Variants in OTOG observed in about 807,000 individuals in gnomAD.
The protein encoded by OTOG is otogelin.
OTOG carries 296 observed loss-of-function variants against 313.8 expected under a neutral mutation model. The ratio of observed to expected loss-of-function variants is 0.94; its 90% CI spans 0.86 to 1.04. The LOEUF is 1.04. OTOG is among the 50% of genes least tolerant of loss of function. The pLI is 0.00. For missense variants in OTOG, 3,948 were observed against 3,840.1 expected, an observed-to-expected ratio of 1.03 and a Z score of -0.74; for synonymous variants, 1,533 against 1,554.9, an observed-to-expected ratio of 0.99 and a Z score of 0.33.
chr11:17,603,789 G>T (rs958376772), intron 32 of OTOG, among the ~76,000 whole-genome samples: 1 of 152,188 alleles, frequency 6.6e-6, no homozygotes, highest in African/African-American at 2.4e-5. Flanking sequence ...CAGAGGGGAG[G>T]ACTCAGCAGT....
At chr11:17,632,963 A>G (rs551890909) in intron 42 of OTOG, among the ~76,000 whole-genome samples, 60 of 152,378 alleles carry the variant, frequency 3.9e-4, no homozygotes, top group Non-Finnish European at 6.9e-4. Context: ...CATTTTAAAA[A>G]ATACAATAGA....
chr11:17,576,967 G>A, intron 22 of OTOG, 56 bp downstream of exon 22: 1 of 1,512,004 alleles, frequency 6.6e-7, no homozygotes, highest in Non-Finnish European at 8.9e-7. Flanking sequence ...GTAAAGGAGA[G>A]TGGGGAGTGG....
In OTOG at chr11:17,547,944, TG is replaced by T. The variant is rs2133989997; in HGVS notation, c.116del (p.Gly39AlafsTer181). 2.1e-6 allele frequency: 1 copy of T among 481,002 alleles called. No homozygotes were observed. Among genetic ancestry groups the T allele is most frequent in the Non-Finnish European group, 3.6e-6 (1 of 276,754 alleles). 29.8% of individuals were successfully genotyped at this position (481,002 alleles called of 1,614,324 possible). The part of the protein sequence containing the change: ...VQRLAAAPVL[W>X]GSAEPQPEPA... The stretch of plus-strand genomic sequence containing the variant: ...CTCCCCAGCCGCAGCACCCGTTCTG[TG>T]GGGCAGTGCAGAGCCACAGCCAGAG... On this transcript the variant is annotated frameshift_variant, in exon 2 of 56. Transcript: ENST00000399397. LOFTEE classifies it high-confidence loss of function.
rs367687037 is a variant in OTOG, at chr11:17,552,181, C to A, written c.292+106C>A. Reference sequence around the variant, plus strand: ...GGGCTTCCCTCAGGCCTCCATGACCCCTTTTTCCTGCTTGGCATCTCCTTC... The same window carrying A: ...GGGCTTCCCTCAGGCCTCCATGACCACTTTTTCCTGCTTGGCATCTCCTTC... On this transcript the variant is annotated intron_variant, in intron 4 of 55. Transcript: ENST00000399397. The A allele has an allele frequency of 9.8e-6, 11 of 1,125,002 alleles. No homozygotes were observed. The East Asian group carries it at 1.0e-4, about 11-fold the overall frequency. The allele number at this position is 1,125,002 out of a possible 1,614,324, so 69.7% of individuals were successfully genotyped here. A position where few individuals can be genotyped will look rare whatever the true frequency, so the allele number is the denominator to read the frequency against.
chr11:17,548,166 A>T lies in OTOG; in HGVS notation c.170A>T (p.Glu57Val). Reference sequence around the variant, plus strand: ...GTTTCCTCCAGCAGCAGCCACCAGGAGGCGACCCTTGCCATGGGGGACAAG... The same window carrying T: ...GTTTCCTCCAGCAGCAGCCACCAGGTGGCGACCCTTGCCATGGGGGACAAG... ...PAGQPSSSHQ[E>V]ATLAMGDKAT... is the part of the protein sequence containing the mutation. Residue 57 changes from glutamate (E) to valine (V), a missense_variant, in exon 3 of 56, where the codon GAG (glutamate) becomes GTG (valine). Transcript: ENST00000399397. 6.5e-7 allele frequency: 1 copy of T among 1,547,846 alleles called. No individual in the cohort carries two copies. The highest frequency in any genetic ancestry group is 8.7e-7 in the Non-Finnish European group (1 of 1,145,436).
intron 39 of OTOG, among the ~76,000 whole-genome samples, chr11:17,620,296 G>A (rs973024529): frequency 6.6e-6 from 1 of 152,078 alleles, no homozygotes; most frequent in Non-Finnish European, 1.5e-5. Flanking sequence ...TGTTGCCTCT[G>A]GATTTACCTA....
chr11:17,548,008 G>T (rs1851846694), intron 2 of OTOG, 21 bp downstream of exon 2: 1 of 875,040 alleles, frequency 1.1e-6, no homozygotes, highest in Non-Finnish European at 1.7e-6. Flanking sequence ...GTGAGCTGTG[G>T]CGGCCCCACC....
intron 39 of OTOG, among the ~76,000 whole-genome samples, chr11:17,618,776 T>G (rs1853794215): frequency 6.6e-6 from 1 of 152,228 alleles, no homozygotes. Flanking sequence ...TTTTGATGAA[T>G]TAACTCTTTT....
rs557473818 is a variant in OTOG at position 17,569,261 on chromosome 11, T to A, written c.1750T>A (p.Tyr584Asn). 6.4e-7 allele frequency: 1 copy of A among 1,550,552 alleles called. No homozygotes were observed. Among genetic ancestry groups the A allele is most frequent in the Admixed American group, 2.0e-5 (1 of 50,998 alleles). The change falls in exon 16 of 56, where the codon TAC becomes AAC. Residue 584 changes from tyrosine (Y) to asparagine (N), a missense_variant. Physicochemically the swap from Tyr to Asn is moderately radical, Grantham distance 143. Transcript: ENST00000399397. ...QAGDVLLFDQ[Y>N]KIIPPYTDDA... ...AGGGGATGTCCTTCTGTTTGACCAG[T>A]ACAAGATCATCCCGCCATACACAGA...
intron 47 of OTOG, among the ~76,000 whole-genome samples, chr11:17,636,277 T>C (rs1384100201): frequency 2.6e-5 from 4 of 152,202 alleles, no homozygotes; most frequent in African/African-American, 7.2e-5. Flanking sequence ...AGTACCTTGA[T>C]ATAGAATGCA....
chr11:17,601,425 C>T (rs909855658), intron 31 of OTOG, among the ~76,000 whole-genome samples: 5 of 151,672 alleles, frequency 3.3e-5, no homozygotes, highest in Non-Finnish European at 7.4e-5. Context: ...GGAAATAACA[C>T]CACTGCTCCT....
rs1353754880 is a variant in OTOG, at chr11:17,553,200, G to T, written c.374G>T (p.Arg125Leu). ...AGACGCTTCAATGCCACTGGACCGCGCTGCCAGATGGGTGGGTCTGGGCTC... is the reference window on the plus strand; with the variant it reads ...AGACGCTTCAATGCCACTGGACCGCTCTGCCAGATGGGTGGGTCTGGGCTC... ...DCRRFNATGP[R>L]CQMVYNAGPE... The change falls in exon 5 of 56, where the codon CGC (arginine) becomes CTC (leucine). Residue 125 changes from arginine (R) to leucine (L), a missense_variant. Coordinates refer to ENST00000399397, the MANE Select transcript of OTOG (RefSeq NM_001292063.2). The T allele has an allele frequency of 7.7e-6, 12 of 1,550,302 alleles. No homozygotes were observed. Among genetic ancestry groups the T allele is most frequent in the African/African-American group, 1.4e-5 (1 of 73,046 alleles).
chr11:17,583,251 CA>C (rs1852715157), intron 23 of OTOG, among the ~76,000 whole-genome samples: 1 of 152,156 alleles, frequency 6.6e-6, no homozygotes, highest in Non-Finnish European at 1.5e-5. Flanking sequence ...TCTCCCGCCT[CA>C]GCCTCCTGAG....
intron 24 of OTOG, among the ~76,000 whole-genome samples, chr11:17,588,297 C>T (rs1852852028): frequency 6.6e-6 from 1 of 152,192 alleles, no homozygotes. Flanking sequence ...TCCAGCTGCT[C>T]TCCCGTGGGG....
At chr11:17,579,908 T>C (rs1303944983) in intron 23 of OTOG, among the ~76,000 whole-genome samples, 1 of 152,168 alleles carries the variant, frequency 6.6e-6, no homozygotes, top group Non-Finnish European at 1.5e-5. Context: ...TCAAAGGCCC[T>C]CTAAGGAGCT....
At chr11:17,638,354 C>T (rs1467305352) in intron 47 of OTOG, 97 bp from the exon 48 acceptor site, 29 of 1,047,864 alleles carry the variant, frequency 2.8e-5, no homozygotes, top group Non-Finnish European at 4.0e-5. Flanking sequence ...TAAGGAGGAG[C>T]TGGGGGTAGC....
chr11:17,584,238 T>C (rs1221256232), intron 23 of OTOG, among the ~76,000 whole-genome samples: 1 of 152,216 alleles, frequency 6.6e-6, no homozygotes, highest in Non-Finnish European at 1.5e-5. Flanking sequence ...AGTGATCATG[T>C]CATCTGTGAA....
chr11:17,592,178 C>G (rs559450236), intron 25 of OTOG, among the ~76,000 whole-genome samples: 38 of 152,262 alleles, frequency 2.5e-4, no homozygotes, highest in African/African-American at 8.9e-4. Context: ...ATCCCTACCC[C>G]AGGAGGAATG....
intron 46 of OTOG, 23 bp from the exon 47 acceptor site, chr11:17,635,587 G>A (rs1854245196): frequency 6.5e-7 from 1 of 1,532,310 alleles, no homozygotes. Flanking sequence ...TGCTGTGACA[G>A]CATTGACCCT....
Sources: allele counts gnomAD v4.1 joint callset (sites outside exome capture counted in the v4.1 genomes callset), GRCh38; gene constraint gnomAD v4.1.1; transcripts MANE v1.5; gene names NCBI Gene and HGNC (gene_info 2026-07-23, HGNC 2026-07-21).